PPP2R2D: variants seen among roughly 807,000 people sequenced by gnomAD.
PPP2R2D encodes the protein protein phosphatase 2 regulatory subunit Bdelta.
In PPP2R2D, 9 loss-of-function variants were observed where a neutral mutation model predicts 31.1. The ratio of observed to expected loss-of-function variants is 0.29; its 90% CI spans 0.17 to 0.51. The LOEUF (loss-of-function observed/expected upper bound fraction) is 0.51. PPP2R2D is among the 20% of genes least tolerant of loss of function. The pLI, the probability that PPP2R2D is intolerant of heterozygous loss-of-function variation, is 0.98. For missense variants in PPP2R2D, 391 were observed against 465.6 expected, an observed-to-expected ratio of 0.84 and a Z score of 1.48; for synonymous variants, 179 against 172.6, an observed-to-expected ratio of 1.04 and a Z score of -0.29.
chr10:131,950,244 T>A (rs1467499730), intron 8 of PPP2R2D, among the ~76,000 whole-genome samples: 1 of 152,218 alleles, frequency 6.6e-6, no homozygotes, highest in Non-Finnish European at 1.5e-5. Flanking sequence ...AGCACACGTT[T>A]AAACAAAGTT....
intron 2 of PPP2R2D, among the ~76,000 whole-genome samples, chr10:131,919,922 G>A (rs1313668475): frequency 6.7e-6 from 1 of 149,786 alleles, no homozygotes; most frequent in Non-Finnish European, 1.5e-5. Flanking sequence ...CGGGTGGAAT[G>A]ACACAGTGTT....
In PPP2R2D at chr10:131,955,974, G is replaced by C. The variant is rs782711379; in HGVS notation, c.*11G>C. The C allele has an allele frequency of 6.7e-7, 1 of 1,487,084 alleles. No homozygotes were observed. The highest frequency in any genetic ancestry group is 9.0e-7 in the Non-Finnish European group (1 of 1,109,090). The allele number at this position is 1,487,084 out of a possible 1,614,324, so 92.1% of individuals were successfully genotyped here. A position where few individuals can be genotyped will look rare whatever the true frequency, so the allele number is the denominator to read the frequency against. On this transcript the variant is annotated 3_prime_UTR_variant, in exon 9 of 9. Coordinates refer to ENST00000455566, the MANE Select transcript of PPP2R2D (RefSeq NM_018461.5). ...GACAAAATCAACTAGAGACGCGAAC[G>C]TGAGGACCAAGTCTTGTCTTGCATA...
chr10:131,948,581 C>T lies in PPP2R2D; in HGVS notation c.1082+790C>T, dbSNP rs779794300. On this transcript the variant is annotated intron_variant, in intron 8 of 8. Transcript: ENST00000455566. Reference sequence around the variant, plus strand: ...CAGATAAGCAAGGGAAATCTCACAACGGCCAGAAACTAAGAGGGAGCTGAA... The same window carrying T: ...CAGATAAGCAAGGGAAATCTCACAATGGCCAGAAACTAAGAGGGAGCTGAA... Among the ~76,000 whole-genome samples, 11 of 152,308 alleles carry T rather than the reference C, an allele frequency of 7.2e-5. 1 individual carries two copies. Among genetic ancestry groups the T allele is most frequent in the Admixed American group, 3.9e-4 (6 of 15,302 alleles).
chr10:131,914,968 C>T (rs1433729767), intron 2 of PPP2R2D, among the ~76,000 whole-genome samples: 1 of 152,276 alleles, frequency 6.6e-6, no homozygotes, highest in East Asian at 1.9e-4. Context: ...AGGTTTTTCT[C>T]TCCGTGCACC....
At chr10:131,920,732 C>T (rs528608589) in intron 2 of PPP2R2D, among the ~76,000 whole-genome samples, 10 of 152,152 alleles carry the variant, frequency 6.6e-5, no homozygotes, top group African/African-American at 2.4e-4. Context: ...GTTGGGAGAT[C>T]AGCGTGGCCA....
chr10:131,932,662 A>ACAC, intron 2 of PPP2R2D, among the ~76,000 whole-genome samples: 1 of 149,444 alleles, frequency 6.7e-6, no homozygotes, highest in South Asian at 2.1e-4. Context: ...AAAAAAAAAA[A>ACAC]AAAAAACACA....
chr10:131,955,013 T>C (rs2036768135), intron 8 of PPP2R2D, among the ~76,000 whole-genome samples: 1 of 152,234 alleles, frequency 6.6e-6, no homozygotes, highest in Non-Finnish European at 1.5e-5. Flanking sequence ...CAGAGGTTTT[T>C]ACCAGTATTA....
intron 2 of PPP2R2D, among the ~76,000 whole-genome samples, chr10:131,928,369 C>T (rs1275694245): frequency 6.6e-6 from 1 of 152,246 alleles, no homozygotes; most frequent in East Asian, 1.9e-4. Flanking sequence ...AAATGACCCA[C>T]TCCAGAACTA....
At chr10:131,919,375 T>A (rs1259513511) in intron 2 of PPP2R2D, among the ~76,000 whole-genome samples, 2 of 100,954 alleles carry the variant, frequency 2.0e-5, no homozygotes, top group African/African-American at 8.2e-5. Flanking sequence ...GTGGGTGGAA[T>A]GGCACAGCGT....
chr10:131,946,812 T>C (rs902571807), intron 7 of PPP2R2D, among the ~76,000 whole-genome samples: 10 of 152,300 alleles, frequency 6.6e-5, no homozygotes, highest in Middle Eastern at 3.4e-3. Flanking sequence ...GGTGCTCACC[T>C]GTGGTCCCAG....
chr10:131,923,267 C>T (rs1355957890), intron 2 of PPP2R2D, among the ~76,000 whole-genome samples: 1 of 152,192 alleles, frequency 6.6e-6, no homozygotes, highest in Non-Finnish European at 1.5e-5. Flanking sequence ...GCTGCTTCTC[C>T]CCAGCGTGAT....
chr10:131,950,915 A>G (rs554701578), intron 8 of PPP2R2D, among the ~76,000 whole-genome samples: 2 of 152,356 alleles, frequency 1.3e-5, no homozygotes, highest in Admixed American at 1.3e-4. Flanking sequence ...AAATTCAACT[A>G]CATTAAATTT....
chr10:131,968,907 T>C, the PPP2R2D span: 1 of 215,772 alleles, frequency 4.6e-6, no homozygotes, highest in African/African-American at 2.3e-5. Flanking sequence ...TGCTAGTTCA[T>C]CACCACCAGC....
At chr10:131,917,026 T>C (rs1487262731) in intron 2 of PPP2R2D, among the ~76,000 whole-genome samples, 181 of 97,844 alleles carry the variant, frequency 1.8e-3, no homozygotes, top group Admixed American at 2.3e-3. Flanking sequence ...GGACCTCACG[T>C]GGGTGGAATG....
chr10:131,970,426 C>T, the PPP2R2D span: 25 of 655,410 alleles, frequency 3.8e-5, no homozygotes, highest in East Asian at 6.4e-4. The surrounding 1 kb of genome is among the most constrained non-coding windows in gnomAD (Gnocchi z 4.1). Flanking sequence ...TCAGGCCAGA[C>T]AGCAGCACCA....
At chr10:131,926,910 C>T (rs574039774) in intron 2 of PPP2R2D, among the ~76,000 whole-genome samples, 49 of 152,228 alleles carry the variant, frequency 3.2e-4, no homozygotes, top group African/African-American at 7.9e-4. Flanking sequence ...AGTAGGGGTG[C>T]GTTGAAATGG....
chr10:131,911,554 C>A (rs1009437922), intron 2 of PPP2R2D: 1 of 152,260 alleles, frequency 6.6e-6, no homozygotes, highest in Non-Finnish European at 1.5e-5. Context: ...TTTTCCCTGC[C>A]TGTGCAGGGC....
chr10:131,940,817 A>G, intron 5 of PPP2R2D, 123 bp downstream of exon 5: 1 of 586,526 alleles, frequency 1.7e-6, no homozygotes, highest in Non-Finnish European at 3.1e-6. Flanking sequence ...CTGCCTCGTG[A>G]TTCCTGAAAG....
intron 5 of PPP2R2D, among the ~76,000 whole-genome samples, chr10:131,941,128 C>A (rs2036433829): frequency 6.6e-6 from 1 of 152,128 alleles, no homozygotes; most frequent in Non-Finnish European, 1.5e-5. Flanking sequence ...CGGGGAATTT[C>A]TTTGGGGTTG....
Sources: allele counts gnomAD v4.1 joint callset (sites outside exome capture counted in the v4.1 genomes callset), GRCh38; gene constraint gnomAD v4.1.1; non-coding constraint Gnocchi (gnomAD v3.1); transcripts MANE v1.5; gene names NCBI Gene and HGNC (gene_info 2026-07-23, HGNC 2026-07-21).